PDE6A: variants seen among roughly 807,000 people sequenced by gnomAD.
PDE6A encodes phosphodiesterase 6A.
A neutral mutation model predicts 106.3 loss-of-function variants in PDE6A; 84 were observed. The ratio of observed to expected loss-of-function variants is 0.79; its 90% CI spans 0.66 to 0.95. The LOEUF is 0.95. Among genes scored for constraint, PDE6A ranks in the 40% least tolerant of loss-of-function variants. The pLI is 0.00. For synonymous variants in PDE6A, 394 were observed against 386.6 expected, an observed-to-expected ratio of 1.02 and a Z score of -0.23; for missense variants, 1,052 against 1,084.9, an observed-to-expected ratio of 0.97 and a Z score of 0.43.
chr5:149,896,985 G>A (rs766438100), intron 10 of PDE6A, among the ~76,000 whole-genome samples: 3 of 152,270 alleles, frequency 2.0e-5, no homozygotes, highest in South Asian at 2.1e-4. Flanking sequence ...CTTACTAGCC[G>A]TGTTATTAAT....
At position 149,899,354 on chromosome 5, in the gene PDE6A, AGG is replaced by A. The variant is rs1752877972; in HGVS notation, c.1263+19_1263+20del. On this transcript the variant is annotated intron_variant, in intron 9 of 21. Transcript: ENST00000255266. ...GCTGACTCTGAATCCCAACAGCAAA[AGG>A]CCTCCTAGCAAGCCATACCTCCATG... is the stretch of plus-strand genomic sequence containing the variant. The A allele has an allele frequency of 3.1e-6, 5 of 1,613,170 alleles. No homozygotes were observed. The highest frequency in any genetic ancestry group is 4.2e-6 in the Non-Finnish European group (5 of 1,179,388).
At chr5:149,913,932 C>G (rs1467815573) in intron 6 of PDE6A, among the ~76,000 whole-genome samples, 1 of 152,166 alleles carries the variant, frequency 6.6e-6, no homozygotes, top group East Asian at 1.9e-4. Flanking sequence ...GCATTCTTTC[C>G]TTTTCTTTTC....
rs1752436258 is a variant in PDE6A at position 149,889,026 on chromosome 5, T to C, written c.1729-2652A>G. 5.1e-5 allele frequency among the ~76,000 whole-genome samples: 7 copies of C among 136,788 alleles called. No homozygotes were observed. In the South Asian group the frequency reaches 1.7e-3, roughly 33 times the overall value. The allele number at this position is 136,788 out of a possible 152,430, so 89.7% of individuals were successfully genotyped here. A position where few individuals can be genotyped will look rare whatever the true frequency, so the allele number is the denominator to read the frequency against. On this transcript the variant is annotated intron_variant, in intron 13 of 21. Transcript: ENST00000255266. ...TGAACCCGGGAGGCAGAGCTTGCAA[T>C]GAGCTGAGATGTGCCACTGCACTCC...
At chr5:149,885,052 C>G (rs1752237931) in intron 14 of PDE6A, among the ~76,000 whole-genome samples, 185 bp from the exon 15 acceptor site, 1 of 152,190 alleles carries the variant, frequency 6.6e-6, no homozygotes, top group Non-Finnish European at 1.5e-5. Flanking sequence ...CACAAACACA[C>G]ACAATGCCAT....
intron 6 of PDE6A, among the ~76,000 whole-genome samples, chr5:149,912,760 T>C (rs1415216527): frequency 6.6e-6 from 1 of 152,174 alleles, no homozygotes; most frequent in East Asian, 1.9e-4. Flanking sequence ...CCAGGTCTTG[T>C]TATGAAAGCA....
rs1037192141 is a variant in PDE6A at position 149,883,478 on chromosome 5, C to T, written c.2086G>A (p.Glu696Lys). The T allele has an allele frequency of 6.2e-7, 1 of 1,613,904 alleles. No individual in the cohort carries two copies. Among genetic ancestry groups the T allele is most frequent in the Non-Finnish European group, 8.5e-7 (1 of 1,179,838 alleles). Residue 696 changes from glutamate (E) to lysine (K), a missense_variant, in exon 17 of 22, where the codon GAG (glutamate) becomes AAG (lysine). Glu to Lys is a moderately conservative substitution (Grantham distance 56, BLOSUM62 1). Transcript: ENST00000255266. ...DQSKTYESEQ[E>K]WTQYMMLEQT... The stretch of plus-strand genomic sequence containing the variant: ...TCCAGCATCATGTACTGTGTCCACT[C>T]CTGTTCACTCTCATATGTCTTAGAC...
intron 4 of PDE6A, among the ~76,000 whole-genome samples, chr5:149,928,890 T>C (rs953226741): frequency 1.3e-5 from 2 of 152,162 alleles, no homozygotes; most frequent in Non-Finnish European, 2.9e-5. Flanking sequence ...ATAAACGTAT[T>C]TTAAAATATT....
At chr5:149,933,141 C>G (rs1357760946) in intron 3 of PDE6A, among the ~76,000 whole-genome samples, 2 of 151,840 alleles carry the variant, frequency 1.3e-5, no homozygotes, top group African/African-American at 2.4e-5. Context: ...TACAGGTGGA[C>G]GCCACTGCAC....
intron 13 of PDE6A, among the ~76,000 whole-genome samples, chr5:149,888,956 G>A (rs1009391836): frequency 1.3e-5 from 2 of 151,548 alleles, no homozygotes; most frequent in Non-Finnish European, 2.9e-5. Context: ...GGTGGCGGGC[G>A]CCTGTAGTCC....
rs372186381 is a variant in PDE6A at position 149,884,622 on chromosome 5, G to T, written c.1927-43C>A. On this transcript the variant is annotated intron_variant, in intron 15 of 21. Coordinates refer to ENST00000255266, the MANE Select transcript of PDE6A (RefSeq NM_000440.3). The stretch of plus-strand genomic sequence containing the variant: ...AGCGAGATGGGAGAGAATTGATGCT[G>T]GCAGTAAAGTCACCCACCTACCAAT... The T allele has an allele frequency of 2.7e-5, 42 of 1,538,304 alleles. No homozygotes were observed. In the Admixed American group the frequency reaches 4.0e-4, roughly 15 times the overall value.
chr5:149,920,958 G>GAAA lies in PDE6A; in HGVS notation c.933+674_933+676dup, dbSNP rs1249584589. 2.4e-5 allele frequency among the ~76,000 whole-genome samples: 3 copies of GAAA among 123,908 alleles called. No homozygotes were observed. The East Asian group carries it at 6.7e-4, about 27-fold the overall frequency. The allele number at this position is 123,908 out of a possible 152,430, so 81.3% of individuals were successfully genotyped here. On this transcript the variant is annotated intron_variant, in intron 5 of 21. Coordinates refer to ENST00000255266, the MANE Select transcript of PDE6A (RefSeq NM_000440.3). ...AAAGAGAGAAAAAGAAAGAAAGAAA[G>GAAA]AAAGAAAGAAAGAAAGAAAGAAAGA...
intron 17 of PDE6A, among the ~76,000 whole-genome samples, chr5:149,871,558 C>T (rs535609873): frequency 1.3e-5 from 2 of 151,878 alleles, no homozygotes; most frequent in South Asian, 4.2e-4. Context: ...GTGTGCAGGG[C>T]CTGGTAGAAG....
At chr5:149,907,895 T>A (rs914994025) in intron 6 of PDE6A, among the ~76,000 whole-genome samples, 2 of 152,166 alleles carry the variant, frequency 1.3e-5, no homozygotes, top group East Asian at 1.9e-4. Context: ...CATTAGGAAA[T>A]GAACATTTAT....
chr5:149,866,269 AAG>A lies in PDE6A; in HGVS notation c.2275-18_2275-17del, dbSNP rs755225616. The A allele has an allele frequency of 6.3e-6, 10 of 1,593,198 alleles. No individual in the cohort carries two copies. Among genetic ancestry groups the A allele is most frequent in the Middle Eastern group, 1.7e-4 (1 of 6,024 alleles). The stretch of plus-strand genomic sequence containing the variant: ...CCATCATGGGCTGTCATGGGGGAGA[AAG>A]AGTTAATTGCACTGGACAGTAAGAG... On this transcript the variant is annotated splice_polypyrimidine_tract_variant and intron_variant, in intron 19 of 21. Transcript: ENST00000255266.
chr5:149,939,899 GCT>G (rs1754282218), intron 1 of PDE6A: 1 of 151,080 alleles, frequency 6.6e-6, no homozygotes, highest in Non-Finnish European at 1.5e-5. Context: ...AGGAATTAAG[GCT>G]CTGTAACGAC....
chr5:149,944,305 G>T lies in PDE6A; in HGVS notation c.369C>A (p.Asp123Glu). ...FNVHKDAVLE[D>E]CLVMPDQEIV... ...TCTCTTGGTCGGGCATCACCAGGCA[G>T]TCCTCGAGGACAGCATCCTTGTGGA... The change falls in exon 1 of 22, where the codon GAC (aspartate) becomes GAA (glutamate). Residue 123 changes from aspartate (D) to glutamate (E), a missense_variant. By Grantham distance (45) the Asp-to-Glu change is conservative. Transcript: ENST00000255266. The T allele has an allele frequency of 6.2e-7, 1 of 1,614,114 alleles. No homozygotes were observed. Among genetic ancestry groups the T allele is most frequent in the South Asian group, 1.1e-5 (1 of 91,070 alleles).
intron 3 of PDE6A, among the ~76,000 whole-genome samples, chr5:149,932,842 C>G (rs1452171571): frequency 1.3e-5 from 2 of 152,350 alleles, no homozygotes; most frequent in Middle Eastern, 3.4e-3. Flanking sequence ...AGGAGGGTCC[C>G]GGTGAGGACC....
chr5:149,864,753 C>T (rs1417494716), intron 20 of PDE6A, among the ~76,000 whole-genome samples: 1 of 152,206 alleles, frequency 6.6e-6, no homozygotes, highest in East Asian at 1.9e-4. Context: ...CCAGAGCCGA[C>T]TGTGTTCAGA....
At chr5:149,903,734 G>A in intron 7 of PDE6A, 39 bp from the exon 8 acceptor site, 2 of 1,523,884 alleles carry the variant, frequency 1.3e-6, no homozygotes, top group African/African-American at 2.7e-5. Context: ...GTGTGATTAG[G>A]CCTGAGAGGG....
Sources: allele counts gnomAD v4.1 joint callset (sites outside exome capture counted in the v4.1 genomes callset), GRCh38; gene constraint gnomAD v4.1.1; transcripts MANE v1.5; gene names NCBI Gene and HGNC (gene_info 2026-07-23, HGNC 2026-07-21).